GABRB1: variants seen among roughly 807,000 people sequenced by gnomAD.
GABRB1 encodes the protein gamma-aminobutyric acid receptor subunit beta-1.
GABRB1 carries 17 observed loss-of-function variants against 51.6 expected under a neutral mutation model. The observed-to-expected ratio is 0.33, with a 90% CI of 0.23 to 0.49. The LOEUF is 0.49. Ranked by LOEUF, GABRB1 falls within the 20% of genes least tolerant of loss-of-function variation. The probability of loss-of-function intolerance (pLI) is 0.99; values close to 1 mark genes in which losing one functional copy is unlikely to be tolerated. For missense variants in GABRB1, 410 were observed against 600.6 expected, an observed-to-expected ratio of 0.68 and a Z score of 3.32; for synonymous variants, 247 against 218.9, an observed-to-expected ratio of 1.13 and a Z score of -1.14.
At chr4:47,017,155 G>T (rs1724776028) in intron 1 of GABRB1, among the ~76,000 whole-genome samples, 1 of 152,168 alleles carries the variant, frequency 6.6e-6, no homozygotes, top group Non-Finnish European at 1.5e-5. Context: ...TTTACTACAT[G>T]TGCGGCCTTC....
In GABRB1 at chr4:47,031,934, T is replaced by C. The variant is rs1338212572; in HGVS notation, c.101T>C (p.Met34Thr). ...CAHSTNEPSN[M>T]SYVKETVDRL... ...CTTAGCACCAATGAACCCAGCAACATGTCATACGTGAAAGAGACAGTGGAC... is the reference window on the plus strand; with the variant it reads ...CTTAGCACCAATGAACCCAGCAACACGTCATACGTGAAAGAGACAGTGGAC... The change falls in exon 2 of 9, where the codon ATG (methionine) becomes ACG (threonine). Residue 34 changes from methionine (M) to threonine (T), a missense_variant. This residue lies in a region of GABRB1 where 56 missense variants were observed against 54.8 expected (regional missense o/e 1.02). Coordinates refer to ENST00000295454, the MANE Select transcript of GABRB1 (RefSeq NM_000812.4). 1 of 1,614,026 alleles carries C rather than the reference T, an allele frequency of 6.2e-7. No homozygotes were observed. Among genetic ancestry groups the C allele is most frequent in the East Asian group, 2.2e-5 (1 of 44,866 alleles).
chr4:47,135,198 A>AT (rs1179838416), intron 3 of GABRB1, among the ~76,000 whole-genome samples: 1 of 152,148 alleles, frequency 6.6e-6, no homozygotes, highest in Non-Finnish European at 1.5e-5. Flanking sequence ...TGACTTGGAT[A>AT]TTTTTTAATG....
At chr4:47,205,792 A>T (rs963515932) in intron 4 of GABRB1, among the ~76,000 whole-genome samples, 3 of 152,106 alleles carry the variant, frequency 2.0e-5, no homozygotes, top group Non-Finnish European at 4.4e-5. Flanking sequence ...GGAAGGAAAT[A>T]TCTTTGTGTA....
chr4:47,202,714 G>T (rs1015327150), intron 4 of GABRB1, among the ~76,000 whole-genome samples: 2 of 152,008 alleles, frequency 1.3e-5, no homozygotes, highest in African/African-American at 2.4e-5. Flanking sequence ...CTAAAGAATG[G>T]TCTACACATT....
intron 3 of GABRB1, among the ~76,000 whole-genome samples, chr4:47,126,246 A>G (rs1716138399): frequency 1.3e-5 from 2 of 152,306 alleles, no homozygotes; most frequent in Admixed American, 6.5e-5. Context: ...GGTGAACTCA[A>G]TAATAGAATA....
At chr4:47,138,446 A>G (rs1386908114) in intron 3 of GABRB1, among the ~76,000 whole-genome samples, 1 of 152,032 alleles carries the variant, frequency 6.6e-6, no homozygotes, top group Non-Finnish European at 1.5e-5. Flanking sequence ...GGGGGCTGAC[A>G]CTACCCCTCA....
At chr4:47,285,314 A>T (rs933279463) in intron 4 of GABRB1, among the ~76,000 whole-genome samples, 1 of 152,170 alleles carries the variant, frequency 6.6e-6, no homozygotes, top group Non-Finnish European at 1.5e-5. Flanking sequence ...TGAAAGCCTC[A>T]TGTTTACTAT....
chr4:47,302,342 AAG>A (rs1724291583), intron 4 of GABRB1, among the ~76,000 whole-genome samples: 2 of 152,044 alleles, frequency 1.3e-5, no homozygotes, highest in African/African-American at 4.8e-5. Flanking sequence ...GAAATGACTC[AAG>A]AGAGGAATGT....
chr4:47,140,268 T>C (rs551943791), intron 3 of GABRB1, among the ~76,000 whole-genome samples: 1 of 152,114 alleles, frequency 6.6e-6, no homozygotes, highest in East Asian at 1.9e-4. Context: ...TCATACATAA[T>C]TTCTCATATC....
At chr4:47,018,360 T>A (rs1229485647) in intron 1 of GABRB1, among the ~76,000 whole-genome samples, 2 of 152,122 alleles carry the variant, frequency 1.3e-5, no homozygotes, top group Non-Finnish European at 2.9e-5. Flanking sequence ...CCTTCTTTTC[T>A]TCTTTAACAA....
rs1725363692 is a variant in GABRB1 at position 47,032,464 on chromosome 4, A to G, written c.220A>G (p.Met74Val). ...GCGGATCGATGTCGCCAGCATAGAC[A>G]TGGTCTCCGAAGTGAATATGGTGAG... The part of the protein sequence containing the change: ...GMRIDVASID[M>V]VSEVNMDYTL... Residue 74 changes from methionine to valine, a missense_variant, in exon 3 of 9, where the codon ATG becomes GTG. Physicochemically the swap from Met to Val is conservative, Grantham distance 21. This residue lies in a region of GABRB1 where 100 missense variants were observed against 184.3 expected (regional missense o/e 0.54). Transcript: ENST00000295454. The G allele has an allele frequency of 1.2e-6, 2 of 1,612,020 alleles. No homozygotes were observed. Among genetic ancestry groups the G allele is most frequent in the Non-Finnish European group, 1.7e-6 (2 of 1,178,880 alleles).
chr4:47,341,209 G>C (rs13108343), intron 5 of GABRB1, among the ~76,000 whole-genome samples: 41,572 of 152,066 alleles, frequency 0.27, 6,578 homozygotes, highest in Middle Eastern at 0.4. Flanking sequence ...AAGAGTTTAA[G>C]ATTACTTCAG....
chr4:47,261,284 A>G (rs1453707909), intron 4 of GABRB1, among the ~76,000 whole-genome samples: 11 of 152,188 alleles, frequency 7.2e-5, no homozygotes, highest in African/African-American at 1.2e-4. Flanking sequence ...ACATGATTGT[A>G]TATCTAGAAA....
chr4:47,186,952 C>T (rs1719205851), intron 4 of GABRB1, among the ~76,000 whole-genome samples: 1 of 151,790 alleles, frequency 6.6e-6, no homozygotes, highest in African/African-American at 2.4e-5. Flanking sequence ...TCCAGAAATC[C>T]CTATGAGGTA....
At chr4:47,227,214 T>C (rs1720974365) in intron 4 of GABRB1, among the ~76,000 whole-genome samples, 1 of 152,188 alleles carries the variant, frequency 6.6e-6, no homozygotes, top group South Asian at 2.1e-4. Flanking sequence ...GTTGCTGCAA[T>C]ATTCATTCAT....
chr4:47,125,625 G>A (rs1350771943), intron 3 of GABRB1, among the ~76,000 whole-genome samples: 3 of 124,048 alleles, frequency 2.4e-5, no homozygotes, highest in African/African-American at 5.7e-5. Context: ...GCGGGATCTC[G>A]GCTCACTGCA....
chr4:47,150,859 G>T (rs927621745), intron 3 of GABRB1, among the ~76,000 whole-genome samples: 1 of 151,856 alleles, frequency 6.6e-6, no homozygotes, highest in African/African-American at 2.4e-5. Context: ...TGATCTTATT[G>T]TTTTTTAAGT....
intron 4 of GABRB1, among the ~76,000 whole-genome samples, chr4:47,299,881 A>T (rs1293586557): frequency 5.3e-5 from 8 of 152,004 alleles, no homozygotes; most frequent in Non-Finnish European, 7.4e-5. Context: ...AAAATGTGGC[A>T]CATATACACC....
In GABRB1 at chr4:47,081,533, C is replaced by T. The variant is rs1440153675; in HGVS notation, c.240+49049C>T. 3.9e-5 allele frequency among the ~76,000 whole-genome samples: 6 copies of T among 152,124 alleles called. No homozygotes were observed. In the East Asian group the frequency reaches 1.2e-3, roughly 29 times the overall value. On this transcript the variant is annotated intron_variant, in intron 3 of 8. Coordinates refer to ENST00000295454, the MANE Select transcript of GABRB1 (RefSeq NM_000812.4). ...AATATATCCTTTCTCTGCTATCTTT[C>T]AAATATTCAGATATGGTGTACAATT... is the stretch of plus-strand genomic sequence containing the variant.
Sources: gnomAD v4.1 joint callset for allele counts (sites outside exome capture counted in the v4.1 genomes callset) on GRCh38, gnomAD v4.1.1 for gene constraint, gnomAD v4.1.1 regional missense constraint, MANE v1.5 for transcripts, NCBI Gene and HGNC (gene_info 2026-07-23, HGNC 2026-07-21) for gene names.